Variants in RTN1 observed in about 807,000 individuals in gnomAD.
The protein encoded by RTN1 is reticulon-1.
A neutral mutation model predicts 65.5 loss-of-function variants in RTN1; 25 were observed. The observed-to-expected ratio is 0.38, with a 90% CI of 0.28 to 0.53. The LOEUF (loss-of-function observed/expected upper bound fraction) is 0.53. Ranked by LOEUF, RTN1 falls within the 20% of genes least tolerant of loss-of-function variation. The probability of loss-of-function intolerance (pLI) is 0.79; values close to 1 mark genes in which losing one functional copy is unlikely to be tolerated. For synonymous variants in RTN1, 471 were observed against 447.6 expected (o/e 1.05, Z -0.66); for missense variants, 983 against 1,025.4 (o/e 0.96, Z 0.57).
chr14:59,715,616 A>G (rs1423285058), intron 3 of RTN1, among the ~76,000 whole-genome samples: 1 of 152,176 alleles, frequency 6.6e-6, no homozygotes, highest in African/African-American at 2.4e-5. Context: ...ACTTGAGGTC[A>G]GGAGTTCGAG....
At chr14:59,749,770 T>C (rs1489770814) in intron 1 of RTN1, among the ~76,000 whole-genome samples, 13 of 97,132 alleles carry the variant, frequency 1.3e-4, no homozygotes, top group African/African-American at 5.9e-4. Context: ...TATATCTATA[T>C]GTATATTTAT....
chr14:59,744,625 G>A (rs1373896857), intron 2 of RTN1, among the ~76,000 whole-genome samples: 4 of 152,118 alleles, frequency 2.6e-5, no homozygotes, highest in Non-Finnish European at 2.9e-5. Flanking sequence ...ATTATATGCA[G>A]AACTTCAATA....
At chr14:59,763,664 C>T (rs1566718799) in intron 1 of RTN1, among the ~76,000 whole-genome samples, 1 of 151,712 alleles carries the variant, frequency 6.6e-6, no homozygotes, top group African/African-American at 2.4e-5. Context: ...TCCTGAGTAC[C>T]TGGGACTACA....
At chr14:59,807,755 A>C (rs1474883735) in intron 1 of RTN1, among the ~76,000 whole-genome samples, 1 of 152,250 alleles carries the variant, frequency 6.6e-6, no homozygotes, top group African/African-American at 2.4e-5. Flanking sequence ...AGGTAGGCAG[A>C]GGACATTTTC....
At chr14:59,820,823 T>C (rs998492289) in intron 1 of RTN1, among the ~76,000 whole-genome samples, 1 of 152,214 alleles carries the variant, frequency 6.6e-6, no homozygotes, top group Admixed American at 6.5e-5. Context: ...GATGGTTGTA[T>C]GTATGCAGCT....
chr14:59,680,855 T>G (rs889633216), intron 3 of RTN1, among the ~76,000 whole-genome samples: 2 of 152,178 alleles, frequency 1.3e-5, no homozygotes, highest in African/African-American at 4.8e-5. Context: ...TATGCTGTCA[T>G]GAAAAACCAT....
At chr14:59,680,026 G>T (rs1019768074) in intron 3 of RTN1, among the ~76,000 whole-genome samples, 8 of 152,216 alleles carry the variant, frequency 5.3e-5, no homozygotes, top group African/African-American at 1.9e-4. Context: ...AAATTTCACT[G>T]CAACTACTGC....
At chr14:59,666,413 C>G (rs1233215861) in intron 3 of RTN1, among the ~76,000 whole-genome samples, 1 of 152,100 alleles carries the variant, frequency 6.6e-6, no homozygotes, top group Non-Finnish European at 1.5e-5. Flanking sequence ...ACACAATGTA[C>G]CAGAATCTCT....
chr14:59,604,086 C>A, intron 5 of RTN1, 165 bp from the exon 6 acceptor site: 1 of 475,220 alleles, frequency 2.1e-6, no homozygotes, highest in Non-Finnish European at 3.9e-6. Flanking sequence ...GAAAGAGGAT[C>A]CAGTCCTTAG....
At chr14:59,838,433 G>T (rs1887252209) in intron 1 of RTN1, among the ~76,000 whole-genome samples, 2 of 152,108 alleles carry the variant, frequency 1.3e-5, no homozygotes, top group South Asian at 4.1e-4. Flanking sequence ...GTATCAGGGG[G>T]TATTATAATT....
chr14:59,789,722 A>G (rs556955450), intron 1 of RTN1, among the ~76,000 whole-genome samples: 65 of 152,118 alleles, frequency 4.3e-4, no homozygotes, highest in Non-Finnish European at 8.5e-4. Context: ...TAACATTTAT[A>G]TTTGTGCACA....
chr14:59,840,453 C>T (rs1391255452), intron 1 of RTN1, among the ~76,000 whole-genome samples: 8 of 152,190 alleles, frequency 5.3e-5, no homozygotes, highest in Non-Finnish European at 1.2e-4. Flanking sequence ...TGGGCACAAT[C>T]TTATATTCTC....
intron 3 of RTN1, among the ~76,000 whole-genome samples, chr14:59,690,512 C>G (rs1883939098): frequency 6.6e-6 from 1 of 152,058 alleles, no homozygotes; most frequent in African/African-American, 2.4e-5. Context: ...CTTCAAAACC[C>G]TACTGACAGT....
At chr14:59,748,633 C>T (rs1006458486) in intron 1 of RTN1, among the ~76,000 whole-genome samples, 3 of 151,978 alleles carry the variant, frequency 2.0e-5, no homozygotes, top group African/African-American at 4.8e-5. Flanking sequence ...TTTTATGCAT[C>T]GATTGTCTCC....
rs200996623 is a variant in RTN1 at position 59,603,141 on chromosome 14, A to T, written c.2230-18T>A. The T allele has an allele frequency of 1.2e-5, 20 of 1,612,358 alleles. No homozygotes were observed. The highest frequency in any genetic ancestry group is 1.7e-5 in the Non-Finnish European group (20 of 1,179,472). ...ATCTGTGCCTACATAAAGAAAAAAA[A>T]AATAATGAGCATATCCAAAGATGAT... On this transcript the variant is annotated intron_variant, in intron 7 of 8. Transcript: ENST00000267484.
intron 1 of RTN1, among the ~76,000 whole-genome samples, chr14:59,821,728 T>G (rs911632955): frequency 6.6e-6 from 1 of 152,190 alleles, no homozygotes; most frequent in Non-Finnish European, 1.5e-5. Context: ...CATGAAGGGA[T>G]GTTGAATTTT....
intron 3 of RTN1, among the ~76,000 whole-genome samples, chr14:59,644,766 GTTTC>G: frequency 6.6e-6 from 1 of 152,154 alleles, no homozygotes; most frequent in Non-Finnish European, 1.5e-5. Flanking sequence ...CATCTTTGGT[GTTTC>G]ACAGCCTTGG....
At chr14:59,831,332 C>T (rs1887121041) in intron 1 of RTN1, among the ~76,000 whole-genome samples, 1 of 152,200 alleles carries the variant, frequency 6.6e-6, no homozygotes, top group Non-Finnish European at 1.5e-5. Context: ...AAGGCCTGAA[C>T]AGAACAAAGA....
chr14:59,648,594 C>A (rs1202760048), intron 3 of RTN1, among the ~76,000 whole-genome samples: 1 of 152,176 alleles, frequency 6.6e-6, no homozygotes, highest in Admixed American at 6.5e-5. Flanking sequence ...CCACCATGAT[C>A]AAGAAGGCTT....
Sources: gnomAD v4.1 joint callset for allele counts (sites outside exome capture counted in the v4.1 genomes callset) on GRCh38, gnomAD v4.1.1 for gene constraint, MANE v1.5 for transcripts, NCBI Gene and HGNC (gene_info 2026-07-23, HGNC 2026-07-21) for gene names.